Variants in METTL2B observed in about 807,000 individuals in gnomAD.
The protein encoded by METTL2B is tRNA N(3)-cytidine methyltransferase METTL2B.
In METTL2B, 28 loss-of-function variants were observed where a neutral mutation model predicts 51.0. The ratio of observed to expected loss-of-function variants is 0.55; its 90% confidence interval spans 0.41 to 0.75. The LOEUF (loss-of-function observed/expected upper bound fraction) is 0.75, where lower values mean the gene tolerates loss of function less well. Ranked by LOEUF, METTL2B falls within the 30% of genes least tolerant of loss-of-function variation. The probability of loss-of-function intolerance (pLI) is 0.00; values close to 1 mark genes in which losing one functional copy is unlikely to be tolerated. For missense variants in METTL2B, 313 were observed against 460.7 expected (o/e 0.68, Z 2.93); for synonymous variants, 128 against 166.3 (o/e 0.77, Z 1.77).
intron 4 of METTL2B, among the ~76,000 whole-genome samples, chr7:128,487,095 G>A (rs1359245278): frequency 6.6e-6 from 1 of 152,216 alleles, no homozygotes; most frequent in Non-Finnish European, 1.5e-5. Flanking sequence ...TAATGGGACT[G>A]AGAAACTGAA....
At chr7:128,481,099 T>C (rs1186347160) in intron 4 of METTL2B, among the ~76,000 whole-genome samples, 2 of 152,242 alleles carry the variant, frequency 1.3e-5, no homozygotes, top group Non-Finnish European at 2.9e-5. Flanking sequence ...GAACAGTCAG[T>C]GGCTGAGTTG....
intron 5 of METTL2B, among the ~76,000 whole-genome samples, chr7:128,492,347 G>A (rs1563029579): frequency 1.3e-5 from 2 of 151,748 alleles, no homozygotes; most frequent in African/African-American, 2.4e-5. Flanking sequence ...TAGTAGAGAC[G>A]GGGTTTCACC....
chr7:128,477,936 T>G (rs1799823460), intron 2 of METTL2B: 1 of 447,220 alleles, frequency 2.2e-6, no homozygotes. Flanking sequence ...GGTTCAATAT[T>G]CTCTTTTTAT....
intron 4 of METTL2B, among the ~76,000 whole-genome samples, chr7:128,486,932 G>A (rs1026242301): frequency 4.6e-5 from 7 of 152,168 alleles, no homozygotes; most frequent in East Asian, 3.9e-4. Context: ...ATGGGTACTC[G>A]GCAGATGCAG....
chr7:128,479,747 T>A (rs1243817314), intron 3 of METTL2B, among the ~76,000 whole-genome samples: 1 of 152,236 alleles, frequency 6.6e-6, no homozygotes, highest in Non-Finnish European at 1.5e-5. Flanking sequence ...GCATGTCACT[T>A]CCAAAAATTG....
At chr7:128,484,228 T>TTTGTTTGTTTTTTTTTTGTTTTTG (rs1792651050) in intron 4 of METTL2B, 1 of 93,754 alleles carries the variant, frequency 1.1e-5, no homozygotes, top group Non-Finnish European at 2.2e-5. Context: ...TTTTTTTTTT[T>TTTGTTTGTTTTTTTTTTGTTTTTG]TTTTTTTTTT....
At chr7:128,499,359 CT>C (rs946803033) in intron 7 of METTL2B, among the ~76,000 whole-genome samples, 7 of 149,414 alleles carry the variant, frequency 4.7e-5, no homozygotes, top group South Asian at 4.2e-4. Context: ...TTGTTACAGC[CT>C]TTTTTTTTTC....
chr7:128,483,888 C>T (rs564263524), intron 4 of METTL2B: 1 of 152,280 alleles, frequency 6.6e-6, no homozygotes, highest in African/African-American at 2.4e-5. Context: ...CCATACCCAG[C>T]TAATTTTATG....
chr7:128,491,594 C>T (rs998093854), intron 5 of METTL2B, among the ~76,000 whole-genome samples: 1 of 133,104 alleles, frequency 7.5e-6, no homozygotes, highest in African/African-American at 2.8e-5. Flanking sequence ...AACTCTATCT[C>T]AAAAAAAAAA....
Position 128,501,957 on chromosome 7 carries a change from C to A in METTL2B, c.*41C>A, listed in dbSNP as rs1399786681. ...AACACGATGCAAGCCCGTTGTGTTT[C>A]CGAGCTTTTTTAAAAAAAAATTTGT... On this transcript the variant is annotated 3_prime_UTR_variant, in exon 9 of 9. Coordinates refer to ENST00000262432, the MANE Select transcript of METTL2B (RefSeq NM_018396.3). 6.2e-7 allele frequency: 1 copy of A among 1,605,702 alleles called. No individual in the cohort carries two copies. Among genetic ancestry groups the A allele is most frequent in the Admixed American group, 1.7e-5 (1 of 58,676 alleles).
At chr7:128,488,545 A>G (rs1459918313) in intron 5 of METTL2B, 3 of 472,418 alleles carry the variant, frequency 6.4e-6, no homozygotes, top group East Asian at 1.4e-4. Context: ...GGGTTCCACA[A>G]ATCACATCTG....
chr7:128,478,094 T>G, intron 2 of METTL2B: 1 of 352,724 alleles, frequency 2.8e-6, no homozygotes, highest in Non-Finnish European at 5.9e-6. Context: ...CACTTCTTAG[T>G]GGATTCCAAC....
rs746147461 is a variant in METTL2B at position 128,502,592 on chromosome 7, G to A, written c.*676G>A. 2 of 454,310 alleles carry A rather than the reference G, an allele frequency of 4.4e-6. No homozygotes were observed. Among genetic ancestry groups the A allele is most frequent in the South Asian group, 3.1e-5 (2 of 64,472 alleles). 28.1% of individuals were successfully genotyped at this position (454,310 alleles called of 1,614,324 possible). On this transcript the variant is annotated 3_prime_UTR_variant, in exon 9 of 9. Coordinates refer to ENST00000262432, the MANE Select transcript of METTL2B (RefSeq NM_018396.3). ...TGGTGTTCTTGTTAAGTAATTGATC[G>A]TGGTCTTTGCTTTAATCTTAGTTCC...
At chr7:128,490,617 C>G (rs988911566) in intron 5 of METTL2B, among the ~76,000 whole-genome samples, 1 of 152,148 alleles carries the variant, frequency 6.6e-6, no homozygotes, top group Non-Finnish European at 1.5e-5. Context: ...CCAGTTTTCT[C>G]TAGTCAGTAT....
chr7:128,501,721 T>C, intron 8 of METTL2B, 41 bp from the exon 9 acceptor site: 3 of 1,607,486 alleles, frequency 1.9e-6, no homozygotes, highest in Non-Finnish European at 1.7e-6. Flanking sequence ...TGCCTTTTCT[T>C]GAGGGGAAAA....
chr7:128,500,240 C>T (rs537993794), intron 7 of METTL2B, among the ~76,000 whole-genome samples: 45 of 152,188 alleles, frequency 3.0e-4, no homozygotes, highest in African/African-American at 7.0e-4. Context: ...TCTGTAGACA[C>T]GTGAAGAGAC....
chr7:128,493,469 C>T (rs959820380), intron 5 of METTL2B, among the ~76,000 whole-genome samples: 6 of 152,208 alleles, frequency 3.9e-5, no homozygotes, highest in African/African-American at 1.2e-4. Context: ...GCCTTGGCCT[C>T]CCAAAGTGCT....
chr7:128,486,604 CA>C (rs998699222), intron 4 of METTL2B, among the ~76,000 whole-genome samples: 87 of 140,364 alleles, frequency 6.2e-4, no homozygotes, highest in Middle Eastern at 3.6e-3. Flanking sequence ...TCGTGTCTCA[CA>C]AAAAAAAAAA....
chr7:128,499,435 C>G (rs1367852378), intron 7 of METTL2B, among the ~76,000 whole-genome samples: 1 of 151,714 alleles, frequency 6.6e-6, no homozygotes, highest in African/African-American at 2.4e-5. Flanking sequence ...TCACTGCAAC[C>G]TCTGCCTCCT....
Sources: allele counts gnomAD v4.1 joint callset (sites outside exome capture counted in the v4.1 genomes callset), GRCh38; gene constraint gnomAD v4.1.1; transcripts MANE v1.5; gene names NCBI Gene and HGNC (gene_info 2026-07-23, HGNC 2026-07-21).